The following CRB1 variants were observed in gnomAD, a reference collection of about 807,000 sequenced individuals.
CRB1 encodes the protein crumbs cell polarity complex component 1.
In CRB1, 83 loss-of-function variants were observed where a neutral mutation model predicts 120.0. The observed-to-expected ratio is 0.69, with a 90% CI of 0.58 to 0.83. The LOEUF is 0.83. Among genes scored for constraint, CRB1 ranks in the 40% least tolerant of loss-of-function variants. The pLI is 0.00. For missense variants in CRB1, 1,699 were observed against 1,687.6 expected (o/e 1.01, Z -0.12); for synonymous variants, 625 against 612.5 (o/e 1.02, Z -0.30).
At chr1:197,271,536 T>C (rs1654908981) in intron 1 of CRB1, among the ~76,000 whole-genome samples, 1 of 152,144 alleles carries the variant, frequency 6.6e-6, no homozygotes, top group South Asian at 2.1e-4. Flanking sequence ...GTCCTGATTG[T>C]TTTTATACCT....
the CRB1 span, among the ~76,000 whole-genome samples, chr1:197,221,763 G>A: frequency 6.6e-6 from 1 of 152,086 alleles, no homozygotes; most frequent in Non-Finnish European, 1.5e-5. Context: ...GGGGTTGGGT[G>A]GTGGTGGAAT....
At chr1:197,427,303 T>C in intron 6 of CRB1, 151 bp from the exon 7 acceptor site, 1 of 648,308 alleles carries the variant, frequency 1.5e-6, no homozygotes, top group South Asian at 1.9e-5. Context: ...TTAATAAACC[T>C]GTCCTGAACT....
intron 1 of CRB1, among the ~76,000 whole-genome samples, chr1:197,324,229 G>C (rs193209991): frequency 6.6e-6 from 1 of 152,096 alleles, no homozygotes; most frequent in African/African-American, 2.4e-5. Context: ...GAGAATGTGT[G>C]CTGGTGCTAA....
At chr1:197,237,976 A>G in the CRB1 span, among the ~76,000 whole-genome samples, 1 of 152,104 alleles carries the variant, frequency 6.6e-6, no homozygotes, top group Non-Finnish European at 1.5e-5. Context: ...TAATGAATGC[A>G]TTTAGTGCTA....
At position 197,413,914 on chromosome 1, in the gene CRB1, G is replaced by A. The variant is rs1385976224; in HGVS notation, c.1172-7086G>A. 1.3e-5 allele frequency: 6 copies of A among 456,572 alleles called. No individual in the cohort carries two copies. In the East Asian group the frequency reaches 3.5e-4, roughly 26 times the overall value. 28.3% of individuals were successfully genotyped at this position (456,572 alleles called of 1,614,324 possible). On this transcript the variant is annotated intron_variant, in intron 5 of 11. Transcript: ENST00000367400. Reference sequence around the variant, plus strand: ...AGAAACTCACTCTGTCAACCTAGTAGGTGTTTGGATGGATACCTCTTTTTT... The same window carrying A: ...AGAAACTCACTCTGTCAACCTAGTAAGTGTTTGGATGGATACCTCTTTTTT...
At chr1:197,386,555 A>G (rs1186196379) in intron 5 of CRB1, among the ~76,000 whole-genome samples, 3 of 152,150 alleles carry the variant, frequency 2.0e-5, no homozygotes, top group Admixed American at 6.6e-5. Flanking sequence ...TTAAAAAACA[A>G]CATGATCTGG....
chr1:197,382,948 C>CTCAGG (rs1358689469), intron 5 of CRB1, among the ~76,000 whole-genome samples: 1 of 152,182 alleles, frequency 6.6e-6, no homozygotes, highest in Non-Finnish European at 1.5e-5. Context: ...TGCTCCAAAT[C>CTCAGG]ATCCATTCTG....
chr1:197,386,826 C>T (rs373081493), intron 5 of CRB1, among the ~76,000 whole-genome samples: 5 of 152,028 alleles, frequency 3.3e-5, no homozygotes, highest in Admixed American at 2.6e-4. Flanking sequence ...TTAAGAAAAT[C>T]GGAGCGAATA....
chr1:197,319,040 A>G (rs988668671), intron 1 of CRB1, among the ~76,000 whole-genome samples: 4 of 152,070 alleles, frequency 2.6e-5, no homozygotes, highest in African/African-American at 9.7e-5. Flanking sequence ...ATATGAGACT[A>G]TAATAGGACC....
At chr1:197,468,994 C>T (rs1210933267) in intron 11 of CRB1, among the ~76,000 whole-genome samples, 1 of 152,162 alleles carries the variant, frequency 6.6e-6, no homozygotes, top group Non-Finnish European at 1.5e-5. Flanking sequence ...CCCCCGGCCC[C>T]GGCACTAGCT....
At chr1:197,344,559 T>G in intron 3 of CRB1, 83 bp downstream of exon 3, 2 of 1,339,586 alleles carry the variant, frequency 1.5e-6, no homozygotes, top group Non-Finnish European at 2.1e-6. Flanking sequence ...TTTAGAGCTC[T>G]CACGTTCTCG....
At position 197,409,744 on chromosome 1, in the gene CRB1, C is replaced by A. The variant is rs1357913093; in HGVS notation, c.1172-11256C>A. On this transcript the variant is annotated intron_variant, in intron 5 of 11. Transcript: ENST00000367400. Reference sequence around the variant, plus strand: ...AATGGCCACATAAATAAAGCACTTACCACAGTGACTGGCACAGATCTGAGA... The same window carrying A: ...AATGGCCACATAAATAAAGCACTTAACACAGTGACTGGCACAGATCTGAGA... 3.3e-5 allele frequency among the ~76,000 whole-genome samples: 5 copies of A among 152,130 alleles called. No individual in the cohort carries two copies. In the East Asian group the frequency reaches 9.6e-4, roughly 29 times the overall value.
At chr1:197,409,062 T>C (rs1663563646) in intron 5 of CRB1, among the ~76,000 whole-genome samples, 1 of 152,226 alleles carries the variant, frequency 6.6e-6, no homozygotes, top group Non-Finnish European at 1.5e-5. Context: ...AATCTTCCTC[T>C]GGGCTCAGTA....
At chr1:197,293,298 A>G (rs1571781809) in intron 1 of CRB1, among the ~76,000 whole-genome samples, 1 of 152,244 alleles carries the variant, frequency 6.6e-6, no homozygotes, top group South Asian at 2.1e-4. Context: ...ATCATGAGTG[A>G]ACTCCCATTC....
intron 1 of CRB1, among the ~76,000 whole-genome samples, chr1:197,300,505 T>A (rs1281719488): frequency 6.6e-6 from 1 of 150,730 alleles, no homozygotes; most frequent in Non-Finnish European, 1.5e-5. Context: ...TCCTCAATTC[T>A]ATGAAGGCTG....
At chr1:197,337,746 C>T (rs13374473) in intron 2 of CRB1, among the ~76,000 whole-genome samples, 4,768 of 151,966 alleles carry the variant, frequency 0.031, 200 homozygotes, top group African/African-American at 0.097. Flanking sequence ...CTGTTAGAAC[C>T]CAACTCAGGA....
At chr1:197,414,166 T>C (rs1663853340) in intron 5 of CRB1, among the ~76,000 whole-genome samples, 1 of 152,224 alleles carries the variant, frequency 6.6e-6, no homozygotes, top group Non-Finnish European at 1.5e-5. Context: ...AGTTTTTGGC[T>C]TTAGATAATT....
chr1:197,260,916 C>T, the CRB1 span, among the ~76,000 whole-genome samples: 1 of 151,986 alleles, frequency 6.6e-6, no homozygotes, highest in African/African-American at 2.4e-5. Context: ...AGGCTGGTCT[C>T]GAACTCCTGA....
the CRB1 span, among the ~76,000 whole-genome samples, chr1:197,216,734 A>G: frequency 1.3e-5 from 2 of 152,212 alleles, no homozygotes; most frequent in Non-Finnish European, 2.9e-5. Flanking sequence ...AATGAGGTCA[A>G]AACTGAAGAG....
Sources: gnomAD v4.1 joint callset for allele counts (sites outside exome capture counted in the v4.1 genomes callset) on GRCh38, gnomAD v4.1.1 for gene constraint, MANE v1.5 for transcripts, NCBI Gene and HGNC (gene_info 2026-07-23, HGNC 2026-07-21) for gene names.